NECAP2: variants seen among roughly 807,000 people sequenced by gnomAD.
NECAP2 encodes the protein adaptin ear-binding coat-associated protein 2.
NECAP2 carries 38 observed loss-of-function variants against 37.8 expected under a neutral mutation model. The ratio of observed to expected loss-of-function variants is 1.01; its 90% CI spans 0.78 to 1.32. The LOEUF is 1.32. Among genes scored for constraint, NECAP2 ranks in the 40% most tolerant of loss-of-function variants. NECAP2 has a pLI of 0.00. For missense variants in NECAP2, 316 were observed against 334.5 expected (o/e 0.94, Z 0.43); for synonymous variants, 121 against 127.7 (o/e 0.95, Z 0.35).
chr1:16,442,137 C>G (rs1026451353), intron 1 of NECAP2, among the ~76,000 whole-genome samples: 9 of 149,280 alleles, frequency 6.0e-5, no homozygotes, highest in Non-Finnish European at 1.3e-4. Flanking sequence ...CACCACCACA[C>G]CCGACTAATT....
intron 4 of NECAP2, among the ~76,000 whole-genome samples, chr1:16,448,875 A>G (rs1258266471): frequency 6.6e-6 from 1 of 152,168 alleles, no homozygotes; most frequent in Non-Finnish European, 1.5e-5. Context: ...AATTGTGGGC[A>G]TATTTTGCTG....
chr1:16,448,634 G>C (rs559721920), intron 4 of NECAP2, among the ~76,000 whole-genome samples: 119 of 152,276 alleles, frequency 7.8e-4, no homozygotes, highest in Middle Eastern at 3.4e-3. Context: ...GGTGCTGCTG[G>C]GTGGTGTGGT....
At chr1:16,451,510 T>G in intron 5 of NECAP2, 1 of 291,872 alleles carries the variant, frequency 3.4e-6, no homozygotes, top group Non-Finnish European at 6.4e-6. Context: ...AGCGCGTGAA[T>G]GGTTACTTCA....
chr1:16,450,016 G>C (rs576659594), intron 5 of NECAP2: 1 of 348,700 alleles, frequency 2.9e-6, no homozygotes, highest in African/African-American at 2.2e-5. Flanking sequence ...TGTTGAGATG[G>C]ATTTGTTTTT....
At chr1:16,458,469 T>C (rs1018603372) in intron 7 of NECAP2, among the ~76,000 whole-genome samples, 3 of 151,884 alleles carry the variant, frequency 2.0e-5, no homozygotes, top group Admixed American at 6.6e-5. Context: ...ACCGGTCATG[T>C]AGTTCCAGCT....
chr1:16,444,898 C>T (rs1455888864), intron 2 of NECAP2, among the ~76,000 whole-genome samples: 1 of 152,212 alleles, frequency 6.6e-6, no homozygotes, highest in African/African-American at 2.4e-5. Flanking sequence ...TCTCAGCTCA[C>T]CACAACCTCT....
chr1:16,454,886 G>A (rs1303224876), intron 6 of NECAP2, among the ~76,000 whole-genome samples: 2 of 152,176 alleles, frequency 1.3e-5, no homozygotes, highest in Non-Finnish European at 2.9e-5. Flanking sequence ...TAAGCATTCT[G>A]TGGATATTTA....
intron 5 of NECAP2, chr1:16,449,644 T>C (rs1429698587): frequency 5.5e-6 from 1 of 182,674 alleles, no homozygotes; most frequent in Non-Finnish European, 1.2e-5. Context: ...GGTGTTTCTG[T>C]CCTAGCTATT....
chr1:16,447,394 TCCTC>T (rs1239904799), intron 2 of NECAP2, among the ~76,000 whole-genome samples: 1 of 152,174 alleles, frequency 6.6e-6, no homozygotes, highest in East Asian at 1.9e-4. Flanking sequence ...TATGAAAACT[TCCTC>T]CCTTCTTTCC....
chr1:16,454,953 GA>G, intron 6 of NECAP2, among the ~76,000 whole-genome samples: 1 of 152,344 alleles, frequency 6.6e-6, no homozygotes, highest in East Asian at 1.9e-4. Context: ...TTAGAGGTAA[GA>G]GAATGGAAAC....
At chr1:16,452,613 G>C (rs1355171959) in intron 6 of NECAP2, among the ~76,000 whole-genome samples, 1 of 152,110 alleles carries the variant, frequency 6.6e-6, no homozygotes, top group Non-Finnish European at 1.5e-5. Context: ...ATTTCGTTTG[G>C]AGTGAGCACC....
chr1:16,453,708 C>T (rs1348874194), intron 6 of NECAP2, among the ~76,000 whole-genome samples: 5 of 151,102 alleles, frequency 3.3e-5, no homozygotes, highest in African/African-American at 7.3e-5. Context: ...AGGATGGTCT[C>T]GATCTCCTGA....
At chr1:16,444,980 G>A (rs1329468680) in intron 2 of NECAP2, among the ~76,000 whole-genome samples, 1 of 151,966 alleles carries the variant, frequency 6.6e-6, no homozygotes, top group Non-Finnish European at 1.5e-5. Context: ...CCCCCACCAC[G>A]CCCAGCTAAT....
chr1:16,441,941 A>T (rs1332232515), intron 1 of NECAP2, among the ~76,000 whole-genome samples: 1 of 152,056 alleles, frequency 6.6e-6, no homozygotes, highest in Non-Finnish European at 1.5e-5. Flanking sequence ...TGGACCATCA[A>T]ACCATTGATG....
chr1:16,440,939 GC>G, intron 1 of NECAP2, 86 bp downstream of exon 1: 1 of 1,183,190 alleles, frequency 8.5e-7, no homozygotes, highest in Admixed American at 1.9e-5. Flanking sequence ...ACCGAGGACA[GC>G]CCTGGCCAGT....
chr1:16,448,295 A>G (rs899320067), intron 4 of NECAP2, 154 bp downstream of exon 4: 24 of 738,052 alleles, frequency 3.3e-5, no homozygotes, highest in Non-Finnish European at 5.8e-5. Context: ...TTCTCTGCCA[A>G]TGTTCATCTC....
intron 7 of NECAP2, among the ~76,000 whole-genome samples, chr1:16,456,870 T>G (rs2086928595): frequency 6.6e-6 from 1 of 152,120 alleles, no homozygotes; most frequent in African/African-American, 2.4e-5. Context: ...CCAGCTATTT[T>G]TTGTATTTTT....
chr1:16,456,230 C>T (rs901886695), intron 7 of NECAP2, among the ~76,000 whole-genome samples: 13 of 151,874 alleles, frequency 8.6e-5, no homozygotes, highest in South Asian at 2.1e-4. Context: ...TTACCATGTT[C>T]GTCAGGGTTG....
At chr1:16,442,042 G>T (rs754496007) in intron 1 of NECAP2, among the ~76,000 whole-genome samples, 5 of 149,770 alleles carry the variant, frequency 3.3e-5, no homozygotes, top group Non-Finnish European at 7.4e-5. Context: ...GCAATGGTGC[G>T]ATCTCGGCTC....
Sources: gnomAD v4.1 joint callset for allele counts (sites outside exome capture counted in the v4.1 genomes callset) on GRCh38, gnomAD v4.1.1 for gene constraint, MANE v1.5 for transcripts, NCBI Gene and HGNC (gene_info 2026-07-23, HGNC 2026-07-21) for gene names.